KCNH8: variants seen among roughly 807,000 people sequenced by gnomAD.
KCNH8 encodes potassium voltage-gated channel subfamily H member 8, also known as voltage-gated delayed rectifier potassium channel KCNH8.
In KCNH8, 70 loss-of-function variants were observed where a neutral mutation model predicts 103.6. The observed-to-expected ratio is 0.68, with a 90% CI of 0.56 to 0.82. The LOEUF (loss-of-function observed/expected upper bound fraction) is 0.82. Among genes scored for constraint, KCNH8 ranks in the 40% least tolerant of loss-of-function variants. KCNH8 has a pLI of 0.00. For synonymous variants in KCNH8, 498 were observed against 489.4 expected (o/e 1.02, Z -0.23); for missense variants, 1,217 against 1,329.9 (o/e 0.92, Z 1.32).
At chr3:19,364,336 A>G (rs1217031840) in intron 5 of KCNH8, among the ~76,000 whole-genome samples, 1 of 152,148 alleles carries the variant, frequency 6.6e-6, no homozygotes, top group Non-Finnish European at 1.5e-5. Flanking sequence ...GTCTCTCACT[A>G]ACAATGACTC....
At chr3:19,501,066 T>C (rs886217886) in intron 11 of KCNH8, among the ~76,000 whole-genome samples, 3 of 151,654 alleles carry the variant, frequency 2.0e-5, no homozygotes, top group African/African-American at 7.3e-5. Context: ...AAGAATCAAA[T>C]AGACACAATA....
chr3:19,446,515 TTCTCA>T (rs1481761051), intron 8 of KCNH8, among the ~76,000 whole-genome samples: 2 of 151,980 alleles, frequency 1.3e-5, no homozygotes, highest in Admixed American at 1.3e-4. Flanking sequence ...TAAGAAATTT[TTCTCA>T]TCTCTATTCT....
chr3:19,321,518 A>G (rs546239993), intron 3 of KCNH8, among the ~76,000 whole-genome samples: 4 of 151,816 alleles, frequency 2.6e-5, no homozygotes, highest in African/African-American at 9.7e-5. Context: ...TTGATTTCCA[A>G]TTTTATTCCA....
chr3:19,334,366 AG>A (rs575215501), intron 3 of KCNH8, among the ~76,000 whole-genome samples: 24 of 152,156 alleles, frequency 1.6e-4, no homozygotes, highest in Non-Finnish European at 3.1e-4. Context: ...CAGGAGGTCG[AG>A]GCTATAGCTT....
intron 11 of KCNH8, among the ~76,000 whole-genome samples, chr3:19,500,481 A>G (rs1187634935): frequency 7.1e-6 from 1 of 141,380 alleles, no homozygotes; most frequent in Non-Finnish European, 1.6e-5. Flanking sequence ...AACAGAATAT[A>G]CATTTTTTTC....
At chr3:19,511,904 A>G (rs2068789472) in intron 12 of KCNH8, among the ~76,000 whole-genome samples, 1 of 152,146 alleles carries the variant, frequency 6.6e-6, no homozygotes, top group South Asian at 2.1e-4. Flanking sequence ...CCTGTAATAT[A>G]TACACCATAT....
chr3:19,178,930 C>T lies in KCNH8; in HGVS notation c.76+30135C>T, dbSNP rs369775131. ...TGTGTTAGATGGATTAGGTAAGATG[C>T]GACACTAAAAGCAAAGAAGCAAGGT... On this transcript the variant is annotated intron_variant, in intron 1 of 15. Transcript: ENST00000328405. Among the ~76,000 whole-genome samples, 21 of 151,934 alleles carry T rather than the reference C, an allele frequency of 1.4e-4. 2 individuals are homozygous for T. Among genetic ancestry groups the T allele is most frequent in the East Asian group, 5.8e-4 (3 of 5,166 alleles).
chr3:19,400,354 A>C (rs1425606824), intron 7 of KCNH8, among the ~76,000 whole-genome samples: 1 of 151,530 alleles, frequency 6.6e-6, no homozygotes, highest in African/African-American at 2.4e-5. Context: ...ATGTGAGTCT[A>C]ACGGTGGAAT....
intron 3 of KCNH8, among the ~76,000 whole-genome samples, chr3:19,304,515 GAAGTA>G (rs1375706691): frequency 6.6e-6 from 1 of 151,998 alleles, no homozygotes; most frequent in African/African-American, 2.4e-5. Context: ...AGGATATAAT[GAAGTA>G]AAGAAGCACA....
At chr3:19,386,409 A>G (rs564001804) in intron 5 of KCNH8, among the ~76,000 whole-genome samples, 3 of 152,278 alleles carry the variant, frequency 2.0e-5, no homozygotes, top group South Asian at 4.1e-4. Flanking sequence ...TATAAACCAC[A>G]TAGAGTATGT....
At chr3:19,300,937 T>G (rs2065057345) in intron 3 of KCNH8, among the ~76,000 whole-genome samples, 1 of 151,976 alleles carries the variant, frequency 6.6e-6, no homozygotes, top group Non-Finnish European at 1.5e-5. Flanking sequence ...CTAGTATATT[T>G]TTTAAGCTAC....
chr3:19,178,869 G>C (rs1208682012), intron 1 of KCNH8, among the ~76,000 whole-genome samples: 1 of 152,102 alleles, frequency 6.6e-6, no homozygotes, highest in African/African-American at 2.4e-5. Context: ...TGAGCATTCT[G>C]TCCTCACTTA....
chr3:19,458,646 A>C (rs979381963), intron 11 of KCNH8, among the ~76,000 whole-genome samples: 3 of 151,984 alleles, frequency 2.0e-5, no homozygotes, highest in Non-Finnish European at 2.9e-5. Context: ...AGTGTACAAT[A>C]CATCGTTATT....
At chr3:19,241,221 A>T (rs551701685) in intron 1 of KCNH8, among the ~76,000 whole-genome samples, 2 of 151,910 alleles carry the variant, frequency 1.3e-5, no homozygotes, top group Admixed American at 1.3e-4. Flanking sequence ...TACATTGTTC[A>T]TTATAGTCAT....
intron 11 of KCNH8, among the ~76,000 whole-genome samples, chr3:19,462,041 T>C (rs1160669041): frequency 6.6e-6 from 1 of 152,222 alleles, no homozygotes; most frequent in Non-Finnish European, 1.5e-5. Flanking sequence ...CAGTCTATCA[T>C]TGTTGGACAT....
At chr3:19,196,479 G>C (rs1170253827) in intron 1 of KCNH8, among the ~76,000 whole-genome samples, 3 of 151,858 alleles carry the variant, frequency 2.0e-5, no homozygotes, top group Non-Finnish European at 4.4e-5. Context: ...AAAGATCTTG[G>C]CTTCATTGGA....
At chr3:19,208,784 G>A (rs2063740853) in intron 1 of KCNH8, among the ~76,000 whole-genome samples, 1 of 151,908 alleles carries the variant, frequency 6.6e-6, no homozygotes, top group South Asian at 2.1e-4. Context: ...CTTCCTATTT[G>A]TGTTGATGTT....
chr3:19,487,400 C>A (rs915527679), intron 11 of KCNH8, among the ~76,000 whole-genome samples: 2 of 152,140 alleles, frequency 1.3e-5, no homozygotes, highest in Non-Finnish European at 2.9e-5. Context: ...GTCCTTTGTC[C>A]CTGGCTTAGG....
intron 1 of KCNH8, among the ~76,000 whole-genome samples, chr3:19,214,619 C>T (rs1168385906): frequency 6.6e-6 from 1 of 152,240 alleles, no homozygotes; most frequent in Non-Finnish European, 1.5e-5. Flanking sequence ...CTTTCTCTCT[C>T]CTTCTCAATC....
Sources: allele counts gnomAD v4.1 joint callset (sites outside exome capture counted in the v4.1 genomes callset), GRCh38; gene constraint gnomAD v4.1.1; transcripts MANE v1.5; gene names NCBI Gene and HGNC (gene_info 2026-07-23, HGNC 2026-07-21).